The following YARS1 variants were observed in gnomAD, a reference collection of about 807,000 sequenced individuals.
YARS1 encodes the protein tyrosyl-tRNA synthetase 1.
YARS1 carries 36 observed loss-of-function variants against 62.2 expected under a neutral mutation model. That is an observed-to-expected ratio of 0.58 (90% confidence interval 0.44 to 0.76). The LOEUF (loss-of-function observed/expected upper bound fraction) is 0.76, where lower values mean the gene tolerates loss of function less well. Among genes scored for constraint, YARS1 ranks in the 30% least tolerant of loss-of-function variants. The pLI is 0.00. For synonymous variants in YARS1, 234 were observed against 244.9 expected (o/e 0.96, Z 0.42); for missense variants, 524 against 639.8 (o/e 0.82, Z 1.95).
chr1:32,801,238 G>C (rs1478145479), intron 4 of YARS1, among the ~76,000 whole-genome samples: 1 of 152,024 alleles, frequency 6.6e-6, no homozygotes, highest in African/African-American at 2.4e-5. Flanking sequence ...TGCCAGGAGA[G>C]AGGTTTGTGT....
chr1:32,797,218 T>C (rs1653632530), intron 5 of YARS1, among the ~76,000 whole-genome samples: 1 of 148,834 alleles, frequency 6.7e-6, no homozygotes. Context: ...CAAGTAATTT[T>C]AAAACTACCC....
At chr1:32,813,761 A>C (rs965207575) in intron 1 of YARS1, among the ~76,000 whole-genome samples, 8 of 152,124 alleles carry the variant, frequency 5.3e-5, no homozygotes, top group African/African-American at 1.9e-4. Flanking sequence ...CATACTACTA[A>C]ATTCCATATC....
At chr1:32,813,160 T>C (rs748222749) in intron 1 of YARS1, among the ~76,000 whole-genome samples, 6 of 152,188 alleles carry the variant, frequency 3.9e-5, no homozygotes, top group African/African-American at 7.2e-5. Flanking sequence ...TATTGATTTA[T>C]GTTTTTGCCT....
At chr1:32,781,928 C>T (rs1653071722) in intron 9 of YARS1, 2 of 177,078 alleles carry the variant, frequency 1.1e-5, no homozygotes, top group Admixed American at 5.6e-5. Flanking sequence ...ATCCTCTCAC[C>T]TCAGCCTCCC....
At chr1:32,780,454 G>A (rs1653016445) in intron 10 of YARS1, 176 bp from the exon 11 acceptor site, 15 of 698,770 alleles carry the variant, frequency 2.1e-5, no homozygotes, top group Non-Finnish European at 3.4e-5. Context: ...GGCTCTGATG[G>A]TATACTCTGC....
intron 4 of YARS1, 98 bp downstream of exon 4, chr1:32,806,384 A>G (rs967010656): frequency 5.2e-5 from 83 of 1,592,848 alleles, no homozygotes; most frequent in Non-Finnish European, 6.5e-5. Context: ...AAAAAACACA[A>G]TATCTGCGTA....
rs756569916 is a variant in YARS1, at chr1:32,782,474, G to A, written c.972C>T (p.Ile324=). ...EVALNKLLDP[I]REKFNTPALK... The stretch of plus-strand genomic sequence containing the variant: ...GGGCAGGGGTATTAAACTTTTCCCG[G>A]ATTGGATCCAGCAACTTGTTCAGTG... The change falls in exon 9 of 13, where the codon ATC becomes ATT. Residue 324 remains isoleucine, a synonymous_variant. Coordinates refer to ENST00000373477, the MANE Select transcript of YARS1 (RefSeq NM_003680.4). 1 of 1,614,090 alleles carries A rather than the reference G, an allele frequency of 6.2e-7. No homozygotes were observed. Among genetic ancestry groups the A allele is most frequent in the Non-Finnish European group, 8.5e-7 (1 of 1,180,030 alleles).
intron 12 of YARS1, among the ~76,000 whole-genome samples, chr1:32,778,082 C>G (rs922112475): frequency 6.6e-6 from 1 of 152,076 alleles, no homozygotes; most frequent in African/African-American, 2.4e-5. Flanking sequence ...GTAGAAATGA[C>G]TCTCAGTGTC....
intron 4 of YARS1, among the ~76,000 whole-genome samples, chr1:32,803,873 C>A (rs957428786): frequency 2.5e-4 from 38 of 152,174 alleles, no homozygotes; most frequent in African/African-American, 8.9e-4. Context: ...TTTTCCTAGG[C>A]AGAGGACCCT....
In YARS1 at chr1:32,785,160, G is replaced by A. The variant is rs1653179575; in HGVS notation, c.906+1202C>T. The stretch of plus-strand genomic sequence containing the variant: ...CATTAACAAAATATGCAGCCCTGGA[G>A]AGCATAAACAGAGCCCTGGCCGGGC... On this transcript the variant is annotated intron_variant, in intron 8 of 12. Transcript: ENST00000373477. Among the ~76,000 whole-genome samples the A allele has an allele frequency of 5.9e-5, 9 of 152,150 alleles. No homozygotes were observed. In the South Asian group the frequency reaches 1.9e-3, roughly 32 times the overall value.
chr1:32,799,922 G>A (rs1055187366), intron 4 of YARS1, among the ~76,000 whole-genome samples: 2 of 151,990 alleles, frequency 1.3e-5, no homozygotes, highest in Non-Finnish European at 2.9e-5. Flanking sequence ...TCCTGCCTTG[G>A]ACTTGGGATT....
chr1:32,783,801 C>G (rs1267397475), intron 8 of YARS1: 1 of 152,300 alleles, frequency 6.6e-6, no homozygotes, highest in East Asian at 1.9e-4. Flanking sequence ...ATGGTGGCTA[C>G]TAGCCTTGTG....
Position 32,775,795 on chromosome 1 carries a change from G to C in YARS1, c.*186C>G. ...TGTTAGGGGTTGGTCTCTCACTGCA[G>C]CCAGACAGGATGATCCTGGGTTCTG... On this transcript the variant is annotated 3_prime_UTR_variant, in exon 13 of 13. Transcript: ENST00000373477. 1.6e-6 allele frequency: 1 copy of C among 631,238 alleles called. No individual in the cohort carries two copies. The highest frequency in any genetic ancestry group is 2.8e-6 in the Non-Finnish European group (1 of 352,420). 39.1% of individuals were successfully genotyped at this position (631,238 alleles called of 1,614,324 possible).
At chr1:32,787,150 T>C (rs919333302) in intron 6 of YARS1, 75 bp from the exon 7 acceptor site, 1 of 1,573,542 alleles carries the variant, frequency 6.4e-7, no homozygotes. Context: ...AAGTTAAATT[T>C]TGTTTTTTCT....
In YARS1 at chr1:32,813,773, CATCACACATAATCTTGCTAAG is replaced by C. The variant is rs576722391; in HGVS notation, c.58-2737_58-2717del. Among the ~76,000 whole-genome samples, 13 of 152,332 alleles carry C rather than the reference CATCACACATAATCTTGCTAAG, an allele frequency of 8.5e-5. No homozygotes were observed. The South Asian group carries it at 1.7e-3, about 19-fold the overall frequency. ...CATCATACTACTAAATTCCATATCA[CATCACACATAATCTTGCTAAG>C]ATCACAGAAGACCTTCACGTTGCTA... On this transcript the variant is annotated intron_variant, in intron 1 of 12. Coordinates refer to ENST00000373477, the MANE Select transcript of YARS1 (RefSeq NM_003680.4).
rs752850545 is a variant in YARS1 at position 32,776,043 on chromosome 1, T to C, written c.1525A>G (p.Asn509Asp). Residue 509 changes from asparagine (N) to aspartate (D), a missense_variant, in exon 13 of 13, where the codon AAC (asparagine) becomes GAC (aspartate). Coordinates refer to ENST00000373477, the MANE Select transcript of YARS1 (RefSeq NM_003680.4). The surrounding 1 kb of genome is among the most constrained non-coding windows in gnomAD (Gnocchi z 4.0). ...ATGGAGCCCAGCTTGGTCATGAAGT[T>C]GGTTTGCTTCCACTGTGCGATGCAC... Reference protein sequence around the residue: ...EECIAQWKQTNFMTKLGSISC... With the variant: ...EECIAQWKQTDFMTKLGSISC... 6.2e-7 allele frequency: 1 copy of C among 1,614,122 alleles called. No individual in the cohort carries two copies.
intron 9 of YARS1, chr1:32,781,797 T>C (rs974758588): frequency 6.2e-6 from 1 of 161,368 alleles, no homozygotes; most frequent in Non-Finnish European, 1.4e-5. Flanking sequence ...GTATAATAGG[T>C]CTAATCTAAT....
chr1:32,805,147 A>G (rs1389211726), intron 4 of YARS1, among the ~76,000 whole-genome samples: 2 of 149,588 alleles, frequency 1.3e-5, no homozygotes, highest in Non-Finnish European at 3.0e-5. Context: ...AGAATCAGGC[A>G]GGGAGGTTGC....
chr1:32,796,027 G>A (rs567702344), intron 5 of YARS1, among the ~76,000 whole-genome samples: 1 of 152,238 alleles, frequency 6.6e-6, no homozygotes, highest in South Asian at 2.1e-4. Flanking sequence ...AGGTGCAGTG[G>A]CTCATGCTTG....
Sources: gnomAD v4.1 joint callset for allele counts (sites outside exome capture counted in the v4.1 genomes callset) on GRCh38, gnomAD v4.1.1 for gene constraint, Gnocchi (gnomAD v3.1) non-coding constraint, MANE v1.5 for transcripts, NCBI Gene and HGNC (gene_info 2026-07-23, HGNC 2026-07-21) for gene names.